Variants in ATG16L2 observed in about 807,000 individuals in gnomAD.
The protein encoded by ATG16L2 is autophagy related 16 like 2.
Under a neutral mutation model 84.7 loss-of-function variants are expected in ATG16L2, and 77 were observed. That is an observed-to-expected ratio of 0.91 (90% confidence interval 0.76 to 1.10). The LOEUF is 1.10. Among genes scored for constraint, ATG16L2 ranks in the 50% least tolerant of loss-of-function variants. The pLI is 0.00. For missense variants in ATG16L2, 782 were observed against 817.6 expected, an observed-to-expected ratio of 0.96 and a Z score of 0.53; for synonymous variants, 361 against 342.8, an observed-to-expected ratio of 1.05 and a Z score of -0.59.
chr11:72,837,155 TTTC>T (rs1190117411), intron 5 of ATG16L2: 2 of 152,196 alleles, frequency 1.3e-5, no homozygotes, highest in Admixed American at 6.5e-5. Context: ...ACCCTTTTAA[TTTC>T]TTTTTTAAAC....
chr11:72,817,645 A>G (rs1859768261), intron 2 of ATG16L2, 111 bp from the exon 3 acceptor site: 1 of 1,033,508 alleles, frequency 9.7e-7, no homozygotes, highest in Non-Finnish European at 1.5e-6. Flanking sequence ...CCATCTTCCC[A>G]GGACGAAGTT....
exon 6 of ATG16L2, chr11:72,843,505 C>T: frequency 6.2e-7 from 1 of 1,613,822 alleles, no homozygotes; most frequent in Non-Finnish European, 8.5e-7. Flanking sequence ...TCATGTTCCT[C>T]AATGGTCAAC....
chr11:72,816,476 C>A (rs533691668), intron 1 of ATG16L2: 9 of 453,206 alleles, frequency 2.0e-5, no homozygotes, highest in Middle Eastern at 5.9e-4. Context: ...GGTCATCCTT[C>A]TGTCCCTGGG....
rs1027049563 is a variant in ATG16L2, at chr11:72,822,859, C to T, written c.722C>T (p.Thr241Ile). Residue 241 changes from threonine (T) to isoleucine (I), a missense_variant, in exon 7 of 18, where the codon ACC becomes ATC. Thr to Ile is a moderately conservative substitution (Grantham distance 89). Transcript: ENST00000321297. The surrounding 1 kb of genome is among the most constrained non-coding windows in gnomAD (Gnocchi z 4.2). The stretch of plus-strand genomic sequence containing the variant: ...ATTACCTCTCCTAGGGGCCCGGACA[C>T]CCTAGGCGATGGGATGAGGGAGAGA... ...RTVSISEGPD[T>I]LGDGMRERRE... 2 of 1,561,914 alleles carry T rather than the reference C, an allele frequency of 1.3e-6. No homozygotes were observed. The highest frequency in any genetic ancestry group is 1.7e-6 in the Non-Finnish European group (2 of 1,152,480).
intron 5 of ATG16L2, among the ~76,000 whole-genome samples, chr11:72,839,665 G>A (rs1860847968): frequency 6.6e-6 from 1 of 152,088 alleles, no homozygotes; most frequent in African/African-American, 2.4e-5. Flanking sequence ...TACCAAGATA[G>A]GCAATATGGG....
At chr11:72,832,144 T>C (rs914767248), downstream of ATG16L2, among the ~76,000 whole-genome samples, 7 of 152,196 alleles carry the variant, frequency 4.6e-5, no homozygotes, top group African/African-American at 9.6e-5. Context: ...AGCTGCGCCA[T>C]TGCGTTTCTC....
At chr11:72,842,309 C>A (rs1860983418) in intron 5 of ATG16L2, among the ~76,000 whole-genome samples, 1 of 152,234 alleles carries the variant, frequency 6.6e-6, no homozygotes, top group Non-Finnish European at 1.5e-5. Context: ...GCAACGCCTT[C>A]CCTCTTCGGT....
At chr11:72,837,968 G>C (rs540584639) in intron 5 of ATG16L2, 1 of 152,296 alleles carries the variant, frequency 6.6e-6, no homozygotes, top group South Asian at 2.1e-4. Flanking sequence ...AGTATATGCT[G>C]TAAAAATTAA....
At position 72,823,953 on chromosome 11, in the gene ATG16L2, G is replaced by A. The variant is rs1591306544; in HGVS notation, c.825-107G>A. 23 of 1,245,760 alleles carry A rather than the reference G, an allele frequency of 1.8e-5. No individual in the cohort carries two copies. The East Asian group carries it at 5.3e-4, about 29-fold the overall frequency. The allele number at this position is 1,245,760 out of a possible 1,614,324, so 77.2% of individuals were successfully genotyped here. ...GAAGTCAAGTTCTTATCCCAGACTT[G>A]AGAGGTTACAAGCCTCCAGGTCTCT... is the stretch of plus-strand genomic sequence containing the variant. On this transcript the variant is annotated intron_variant, in intron 7 of 17. Transcript: ENST00000321297.
chr11:72,831,853 C>CA (rs1207360397), downstream of ATG16L2, among the ~76,000 whole-genome samples: 1 of 152,244 alleles, frequency 6.6e-6, no homozygotes. Flanking sequence ...AGAAGCCCTG[C>CA]AGCTGGACTG....
In ATG16L2 at chr11:72,819,938, G is replaced by A. The variant is rs942152104; in HGVS notation, c.319-1730G>A. 3.9e-5 allele frequency among the ~76,000 whole-genome samples: 6 copies of A among 152,056 alleles called. No individual in the cohort carries two copies. The East Asian group carries it at 5.8e-4, about 15-fold the overall frequency. On this transcript the variant is annotated intron_variant, in intron 3 of 17. Coordinates refer to ENST00000321297, the MANE Select transcript of ATG16L2 (RefSeq NM_033388.2). ...TTTTTTGTATTTTTAGTAGAGATGGGGTTTCACCATGTTAGCTAGGATGGT... is the reference window on the plus strand; with the variant it reads ...TTTTTTGTATTTTTAGTAGAGATGGAGTTTCACCATGTTAGCTAGGATGGT...
rs189715605 is a variant in ATG16L2, at chr11:72,823,712, C to T, written c.825-348C>T. On this transcript the variant is annotated intron_variant, in intron 7 of 17. Coordinates refer to ENST00000321297, the MANE Select transcript of ATG16L2 (RefSeq NM_033388.2). ...AGGTCACCCAGTGAGCCTAGGCTCC[C>T]CCCTCCTCCCATCCCCAGCCTGGGG... 7.1e-5 allele frequency: 34 copies of T among 478,060 alleles called. No individual in the cohort carries two copies. In the Admixed American group the frequency reaches 7.4e-4, roughly 10 times the overall value. 29.6% of individuals were successfully genotyped at this position (478,060 alleles called of 1,614,324 possible).
At chr11:72,814,761 C>T (rs543843025) in intron 1 of ATG16L2, among the ~76,000 whole-genome samples, 198 bp downstream of exon 1, 3 of 152,374 alleles carry the variant, frequency 2.0e-5, no homozygotes, top group South Asian at 2.1e-4. Flanking sequence ...GGACGAGCCC[C>T]TCCTGGTCCC....
At chr11:72,831,098 C>T (rs898753469), downstream of ATG16L2, among the ~76,000 whole-genome samples, 1 of 152,214 alleles carries the variant, frequency 6.6e-6, no homozygotes, top group Non-Finnish European at 1.5e-5. Context: ...TTGTATCTGC[C>T]TCCTCCATTT....
intron 2 of ATG16L2, 134 bp downstream of exon 2, chr11:72,816,961 G>T: frequency 1.7e-6 from 1 of 599,038 alleles, no homozygotes. Flanking sequence ...TGGGGGTGGT[G>T]GAGGTGGTGG....
intron 9 of ATG16L2, 54 bp from the exon 10 acceptor site, chr11:72,825,248 T>C (rs1860278285): frequency 1.4e-6 from 2 of 1,437,230 alleles, no homozygotes; most frequent in Non-Finnish European, 2.0e-6. Flanking sequence ...CCGTGAGCAC[T>C]CACAGAGACA....
In ATG16L2 at chr11:72,827,179, G is replaced by A; in HGVS notation, c.1367-9G>A. ...TCTGAGGCCCTGGGGTCTGCTGCTT[G>A]GTCCCCAGGCTCCAGGACCATCAAT... On this transcript the variant is annotated splice_polypyrimidine_tract_variant and intron_variant, in intron 13 of 17. Transcript: ENST00000321297. The A allele has an allele frequency of 6.2e-7, 1 of 1,608,412 alleles. No homozygotes were observed. The highest frequency in any genetic ancestry group is 8.5e-7 in the Non-Finnish European group (1 of 1,174,804).
Position 72,821,754 on chromosome 11 carries a change from C to A in ATG16L2, c.392+13C>A, listed in dbSNP as rs1257013379. The stretch of plus-strand genomic sequence containing the variant: ...AGAGGCAAAGCAGGTGAGGCGCGGG[C>A]GGGGGCGGGAGGGACCGCGCCCACC... On this transcript the variant is annotated intron_variant, in intron 4 of 17. Coordinates refer to ENST00000321297, the MANE Select transcript of ATG16L2 (RefSeq NM_033388.2). The A allele has an allele frequency of 1.6e-6, 2 of 1,222,204 alleles. No homozygotes were observed. The highest frequency in any genetic ancestry group is 1.3e-5 in the South Asian group (1 of 77,380). The allele number at this position is 1,222,204 out of a possible 1,614,324, so 75.7% of individuals were successfully genotyped here.
Position 72,822,675 on chromosome 11 carries a change from G to A in ATG16L2, c.710+132G>A, listed in dbSNP as rs1860084326. On this transcript the variant is annotated intron_variant, in intron 6 of 17. Transcript: ENST00000321297. The surrounding 1 kb of genome is among the most constrained non-coding windows in gnomAD (Gnocchi z 4.2). ...GCCCCCATGTGGTCGGAGCCCACGA[G>A]ACACCTGCAGAGGACCGTGTGGTCG... is the stretch of plus-strand genomic sequence containing the variant. 8.1e-7 allele frequency: 1 copy of A among 1,233,110 alleles called. No individual in the cohort carries two copies. The highest frequency in any genetic ancestry group is 2.6e-5 in the Admixed American group (1 of 37,796). The allele number at this position is 1,233,110 out of a possible 1,614,324, so 76.4% of individuals were successfully genotyped here. A position where few individuals can be genotyped will look rare whatever the true frequency, so the allele number is the denominator to read the frequency against.
Sources: allele counts gnomAD v4.1 joint callset (sites outside exome capture counted in the v4.1 genomes callset), GRCh38; gene constraint gnomAD v4.1.1; non-coding constraint Gnocchi (gnomAD v3.1); transcripts MANE v1.5; gene names NCBI Gene and HGNC (gene_info 2026-07-23, HGNC 2026-07-21).